ARAP2: variants seen among roughly 807,000 people sequenced by gnomAD.
The protein encoded by ARAP2 is ArfGAP with RhoGAP domain, ankyrin repeat and PH domain 2.
A neutral mutation model predicts 194.5 loss-of-function variants in ARAP2; 148 were observed. That is an observed-to-expected ratio of 0.76 (90% CI 0.67 to 0.87). The LOEUF (loss-of-function observed/expected upper bound fraction) is 0.87. ARAP2 is among the 40% of genes least tolerant of loss of function. The pLI is 0.00. For missense variants in ARAP2, 2,128 were observed against 1,989.7 expected (o/e 1.07, Z -1.32); for synonymous variants, 695 against 683.5 (o/e 1.02, Z -0.26).
intron 1 of ARAP2, among the ~76,000 whole-genome samples, chr4:36,238,628 C>T (rs2109371868): frequency 6.6e-6 from 1 of 152,254 alleles, no homozygotes; most frequent in Non-Finnish European, 1.5e-5. Context: ...GTTTTATACA[C>T]CATTTAAGTT....
intron 5 of ARAP2, among the ~76,000 whole-genome samples, chr4:36,024,516 T>C (rs77565959): frequency 0.015 from 2,319 of 152,240 alleles, 27 homozygotes; most frequent in Non-Finnish European, 0.021. Context: ...GTAGAAGGAA[T>C]AATACAACCA....
At chr4:36,105,888 G>A (rs895037289) in intron 27 of ARAP2, among the ~76,000 whole-genome samples, 3 of 151,928 alleles carry the variant, frequency 2.0e-5, no homozygotes, top group Non-Finnish European at 2.9e-5. Flanking sequence ...TTATGTCTAG[G>A]TGTAGGTTTT....
chr4:36,117,848 T>C (rs1318476040), intron 24 of ARAP2, among the ~76,000 whole-genome samples: 1 of 151,586 alleles, frequency 6.6e-6, no homozygotes, highest in Admixed American at 6.6e-5. Context: ...TAAAAGGCCT[T>C]ATGATGTCAT....
At chr4:36,108,684 AG>A (rs1719067767) in intron 26 of ARAP2, among the ~76,000 whole-genome samples, 1 of 152,050 alleles carries the variant, frequency 6.6e-6, no homozygotes, top group South Asian at 2.1e-4. Flanking sequence ...AGAGTTAAAA[AG>A]AACAAGTTTT....
chr4:36,232,608 C>A (rs1446783359), intron 1 of ARAP2, among the ~76,000 whole-genome samples: 1 of 152,210 alleles, frequency 6.6e-6, no homozygotes, highest in Non-Finnish European at 1.5e-5. Context: ...TTCCCTGAGG[C>A]AACAAACTGT....
intron 19 of ARAP2, among the ~76,000 whole-genome samples, chr4:36,136,814 T>TGC (rs1560506948): frequency 2.6e-4 from 35 of 132,280 alleles, no homozygotes; most frequent in African/African-American, 7.2e-4. Context: ...TGTGTGTGTG[T>TGC]GTGTGCGTGT....
In ARAP2 at chr4:36,226,852, C is replaced by T. The variant is rs186394195; in HGVS notation, c.905+1730G>A. Among the ~76,000 whole-genome samples, 16 of 152,270 alleles carry T rather than the reference C, an allele frequency of 1.1e-4. No homozygotes were observed. The East Asian group carries it at 3.1e-3, about 29-fold the overall frequency. ...TTAAATCAAATGATCCTTTACAGCTCCCAAAGGGATTCAGTCCTGGCAAAG... is the reference window on the plus strand; with the variant it reads ...TTAAATCAAATGATCCTTTACAGCTTCCAAAGGGATTCAGTCCTGGCAAAG... On this transcript the variant is annotated intron_variant, in intron 2 of 32. Coordinates refer to ENST00000303965, the MANE Select transcript of ARAP2 (RefSeq NM_015230.4).
intron 2 of ARAP2, 115 bp from the exon 3 acceptor site, chr4:36,214,595 A>C (rs1002133630): frequency 5.6e-5 from 35 of 628,872 alleles, no homozygotes; most frequent in South Asian, 3.6e-4. Context: ...TATTTAAGTG[A>C]AGGATTTATT....
In ARAP2 at chr4:36,228,598, T is replaced by C. The variant is rs1478204599; in HGVS notation, c.889A>G (p.Lys297Glu). The part of the protein sequence containing the change: ...RPVPEIPGST[K>E]GVSGSYFRER... ...GATTCTTACCTCCCAGAAACTCCTT[T>C]TGTTGACCCTGGAATCTCTGGTACA... The change falls in exon 2 of 33, where the codon AAA (lysine) becomes GAA (glutamate). Residue 297 changes from lysine (K) to glutamate (E), a missense_variant. Transcript: ENST00000303965. 1 of 1,594,316 alleles carries C rather than the reference T, an allele frequency of 6.3e-7. No homozygotes were observed. Among genetic ancestry groups the C allele is most frequent in the Admixed American group, 1.8e-5 (1 of 56,138 alleles).
chr4:36,097,696 G>C (rs182945690), intron 27 of ARAP2, among the ~76,000 whole-genome samples: 5 of 152,156 alleles, frequency 3.3e-5, no homozygotes, highest in East Asian at 3.9e-4. Flanking sequence ...AATTCTCCCA[G>C]AGATAAATCC....
At chr4:36,025,308 T>C (rs1347175970) in intron 5 of ARAP2, among the ~76,000 whole-genome samples, 1 of 152,136 alleles carries the variant, frequency 6.6e-6, no homozygotes, top group Non-Finnish European at 1.5e-5. Context: ...TTTTAATTAT[T>C]TTGTTCTTTT....
chr4:36,197,182 C>T (rs969656996), intron 6 of ARAP2, among the ~76,000 whole-genome samples: 16 of 151,782 alleles, frequency 1.1e-4, no homozygotes, highest in African/African-American at 2.7e-4. Context: ...TTTTGATATA[C>T]GCATACAATG....
At chr4:36,097,269 C>G (rs929543442) in intron 27 of ARAP2, among the ~76,000 whole-genome samples, 1 of 151,852 alleles carries the variant, frequency 6.6e-6, no homozygotes, top group Non-Finnish European at 1.5e-5. Context: ...GGAATATATG[C>G]TAAGGATGAG....
At position 36,229,359 on chromosome 4, in the gene ARAP2, T is replaced by C. The variant is rs200113319; in HGVS notation, c.128A>G (p.Asp43Gly). The change falls in exon 2 of 33, where the codon GAC becomes GGC. Residue 43 changes from aspartate to glycine, a missense_variant. Coordinates refer to ENST00000303965, the MANE Select transcript of ARAP2 (RefSeq NM_015230.4). ...TTVKDCAAIN[D>G]SLLQKIGISP... ...TATTCCAATTTTCTGCAGCAGGCTG[T>C]CATTTATTGCTGCACAGTCCTTCAC... 1.2e-6 allele frequency: 2 copies of C among 1,614,142 alleles called. No individual in the cohort carries two copies. Among genetic ancestry groups the C allele is most frequent in the East Asian group, 2.2e-5 (1 of 44,872 alleles).
At chr4:36,241,613 G>T (rs986234938) in intron 1 of ARAP2, among the ~76,000 whole-genome samples, 3 of 152,004 alleles carry the variant, frequency 2.0e-5, no homozygotes, top group Admixed American at 2.0e-4. Context: ...TAAATGGCAC[G>T]TATATGAACA....
chr4:36,073,924 G>C, intron 31 of ARAP2, 101 bp from the exon 32 acceptor site: 2 of 1,383,300 alleles, frequency 1.4e-6, no homozygotes, highest in Non-Finnish European at 2.0e-6. Flanking sequence ...CACATCAAAT[G>C]ATCTGATTTC....
intron 27 of ARAP2, among the ~76,000 whole-genome samples, chr4:36,106,318 A>C (rs1385853151): frequency 1.3e-5 from 2 of 151,986 alleles, no homozygotes; most frequent in African/African-American, 4.8e-5. Flanking sequence ...AAAAAATTTC[A>C]AACAGGATAA....
intron 27 of ARAP2, among the ~76,000 whole-genome samples, chr4:36,092,491 C>A (rs551852389): frequency 1.3e-5 from 2 of 152,054 alleles, no homozygotes; most frequent in South Asian, 4.2e-4. Context: ...TGCCTGTAGT[C>A]CGAGCCACTG....
intron 11 of ARAP2, among the ~76,000 whole-genome samples, chr4:36,164,697 A>ATTT (rs1734867093): frequency 6.6e-6 from 1 of 152,234 alleles, no homozygotes; most frequent in South Asian, 2.1e-4. Context: ...ACCAGTAGGC[A>ATTT]TAAAATATGA....
Sources: gnomAD v4.1 joint callset for allele counts (sites outside exome capture counted in the v4.1 genomes callset) on GRCh38, gnomAD v4.1.1 for gene constraint, MANE v1.5 for transcripts, NCBI Gene and HGNC (gene_info 2026-07-23, HGNC 2026-07-21) for gene names.